The following WWOX variants were observed in gnomAD, a reference collection of about 807,000 sequenced individuals.
WWOX encodes WW domain containing oxidoreductase.
A neutral mutation model predicts 46.2 loss-of-function variants in WWOX; 69 were observed. The ratio of observed to expected loss-of-function variants is 1.49; its 90% CI spans 1.23 to 1.82. The LOEUF is 1.82. Among genes scored for constraint, WWOX ranks in the 40% most tolerant of loss-of-function variants. The pLI is 0.00. For synonymous variants in WWOX, 359 were observed against 202.6 expected (o/e 1.77, Z -6.56); for missense variants, 919 against 542.6 (o/e 1.69, Z -6.89).
chr16:78,532,943 C>T (rs1044802893), intron 8 of WWOX, among the ~76,000 whole-genome samples: 1 of 152,262 alleles, frequency 6.6e-6, no homozygotes, highest in African/African-American at 2.4e-5. Flanking sequence ...ACCAAGGGAC[C>T]AAGGCCTGAT....
At chr16:78,693,033 C>A (rs1182475358) in intron 8 of WWOX, among the ~76,000 whole-genome samples, 2 of 152,178 alleles carry the variant, frequency 1.3e-5, no homozygotes, top group Non-Finnish European at 2.9e-5. Flanking sequence ...ATATGGACAT[C>A]ATATTATTCA....
chr16:79,140,667 T>G (rs2050072113), intron 8 of WWOX, among the ~76,000 whole-genome samples: 1 of 152,250 alleles, frequency 6.6e-6, no homozygotes, highest in South Asian at 2.1e-4. Context: ...TCTCTAGATC[T>G]GGATTTAGAG....
rs561057704 is a variant in WWOX at position 78,176,625 on chromosome 16, G to A, written c.516+12336G>A. 2.0e-5 allele frequency among the ~76,000 whole-genome samples: 3 copies of A among 152,272 alleles called. No homozygotes were observed. The South Asian group carries it at 6.2e-4, about 32-fold the overall frequency. On this transcript the variant is annotated intron_variant, in intron 5 of 8. Coordinates refer to ENST00000566780, the MANE Select transcript of WWOX (RefSeq NM_016373.4). The stretch of plus-strand genomic sequence containing the variant: ...CTTTGATTATTGCACTAATATTATG[G>A]CACTTTGACAGCCCTTCAGATTTAT...
intron 8 of WWOX, among the ~76,000 whole-genome samples, chr16:78,752,626 A>G (rs1403944040): frequency 6.6e-6 from 1 of 152,180 alleles, no homozygotes; most frequent in African/African-American, 2.4e-5. Flanking sequence ...TTTTAAACTC[A>G]CTTTCAAATC....
At chr16:78,841,128 C>G (rs751856087) in intron 8 of WWOX, among the ~76,000 whole-genome samples, 4 of 152,134 alleles carry the variant, frequency 2.6e-5, no homozygotes, top group Non-Finnish European at 5.9e-5. Context: ...TGATCTGACC[C>G]CAGAATTCCC....
At chr16:78,911,566 A>G (rs563245468) in intron 8 of WWOX, among the ~76,000 whole-genome samples, 1 of 152,018 alleles carries the variant, frequency 6.6e-6, no homozygotes, top group Non-Finnish European at 1.5e-5. Context: ...CCCAGTGGCA[A>G]TGTTGTAAGA....
At chr16:78,880,706 G>C (rs1425342020) in intron 8 of WWOX, among the ~76,000 whole-genome samples, 6 of 152,198 alleles carry the variant, frequency 3.9e-5, no homozygotes, top group African/African-American at 1.4e-4. Flanking sequence ...CCATCTGAGA[G>C]TTCACATAAG....
At chr16:79,210,704 A>G (rs908181565) in intron 8 of WWOX, among the ~76,000 whole-genome samples, 2 of 151,652 alleles carry the variant, frequency 1.3e-5, no homozygotes, top group African/African-American at 4.9e-5. Flanking sequence ...ACAGCAGCCT[A>G]TTATTTTTAA....
intron 8 of WWOX, among the ~76,000 whole-genome samples, chr16:78,803,029 G>C (rs758420863): frequency 6.7e-6 from 1 of 148,866 alleles, no homozygotes; most frequent in Non-Finnish European, 1.5e-5. Context: ...ATGGTGCCTT[G>C]TACTGTGGCC....
chr16:78,548,179 T>TCAAAA (rs1555560965), intron 8 of WWOX, among the ~76,000 whole-genome samples: 1 of 119,414 alleles, frequency 8.4e-6, no homozygotes, highest in Non-Finnish European at 1.7e-5. Flanking sequence ...AAAAAAAAAA[T>TCAAAA]TACGAATTTT....
intron 8 of WWOX, among the ~76,000 whole-genome samples, chr16:78,994,049 T>G (rs556669810): frequency 5.9e-5 from 9 of 152,364 alleles, no homozygotes; most frequent in African/African-American, 1.9e-4. Context: ...TCTTTGACTC[T>G]GCTTAGCCAC....
At chr16:78,774,924 C>G (rs1177899135) in intron 8 of WWOX, among the ~76,000 whole-genome samples, 2 of 152,176 alleles carry the variant, frequency 1.3e-5, no homozygotes, top group Non-Finnish European at 2.9e-5. Context: ...CCATAGCACT[C>G]ATGGACAGCA....
At chr16:78,186,277 C>T (rs1287937607) in intron 5 of WWOX, among the ~76,000 whole-genome samples, 2 of 148,230 alleles carry the variant, frequency 1.3e-5, no homozygotes, top group African/African-American at 2.5e-5. Context: ...GAAAGGTTAA[C>T]AATATGTAGG....
At chr16:78,762,665 C>G (rs1361294612) in intron 8 of WWOX, among the ~76,000 whole-genome samples, 1 of 152,140 alleles carries the variant, frequency 6.6e-6, no homozygotes, top group Admixed American at 6.6e-5. Flanking sequence ...TACTCCTAAG[C>G]TAATTGGGAG....
intron 8 of WWOX, chr16:78,691,136 A>C (rs374060814): frequency 9.1e-6 from 6 of 658,124 alleles, no homozygotes; most frequent in East Asian, 2.7e-5. Context: ...TTAGAAGTTC[A>C]TAAAAGCAAA....
At chr16:79,107,550 A>G (rs570488672) in intron 8 of WWOX, among the ~76,000 whole-genome samples, 8 of 152,194 alleles carry the variant, frequency 5.3e-5, no homozygotes, top group Non-Finnish European at 1.0e-4. Context: ...TATCTTTTGG[A>G]TAGCCCAAAG....
intron 8 of WWOX, among the ~76,000 whole-genome samples, chr16:78,962,423 T>C (rs1243339048): frequency 6.7e-6 from 1 of 148,946 alleles, no homozygotes; most frequent in Non-Finnish European, 1.5e-5. Flanking sequence ...TTTTACACAT[T>C]CATAATTTCC....
At chr16:78,469,766 C>G (rs758800673) in intron 8 of WWOX, among the ~76,000 whole-genome samples, 3 of 152,088 alleles carry the variant, frequency 2.0e-5, no homozygotes, top group South Asian at 2.1e-4. Context: ...GCATATTTTC[C>G]CTGTTTCCCT....
chr16:79,041,607 C>T (rs2047972965), intron 8 of WWOX, among the ~76,000 whole-genome samples: 2 of 152,060 alleles, frequency 1.3e-5, no homozygotes, highest in South Asian at 2.1e-4. Context: ...AGTACGGGAT[C>T]AGAATTCCAA....
Sources: gnomAD v4.1 joint callset for allele counts (sites outside exome capture counted in the v4.1 genomes callset) on GRCh38, gnomAD v4.1.1 for gene constraint, MANE v1.5 for transcripts, NCBI Gene and HGNC (gene_info 2026-07-23, HGNC 2026-07-21) for gene names.